DOCK11: variants seen among roughly 807,000 people sequenced by gnomAD.
DOCK11 encodes dedicator of cytokinesis protein 11.
DOCK11 carries 70 observed loss-of-function variants against 169.1 expected under a neutral mutation model. The observed-to-expected ratio is 0.41, with a 90% CI of 0.34 to 0.51. The LOEUF is 0.51. DOCK11 is among the 20% of genes least tolerant of loss of function. DOCK11 has a pLI of 0.10. For missense variants in DOCK11, 1,166 were observed against 1,538.8 expected, an observed-to-expected ratio of 0.76 and a Z score of 4.05; for synonymous variants, 529 against 541.3, an observed-to-expected ratio of 0.98 and a Z score of 0.32.
intron 23 of DOCK11, among the ~76,000 whole-genome samples, chrX:118,604,639 T>C (rs1236784663): frequency 9.3e-6 from 1 of 107,117 alleles, no homozygotes; most frequent in Non-Finnish European, 1.9e-5. Context: ...ATTATTTCTC[T>C]GTATATATGA....
At chrX:118,498,148 A>G (rs974939739) in intron 1 of DOCK11, among the ~76,000 whole-genome samples, 3 of 112,481 alleles carry the variant, frequency 2.7e-5, no homozygotes, top group African/African-American at 9.7e-5. Flanking sequence ...TAGTATGTGA[A>G]CCACATTGAG....
At chrX:118,663,657 T>C (rs762517002) in intron 45 of DOCK11, among the ~76,000 whole-genome samples, 23 of 102,845 alleles carry the variant, frequency 2.2e-4, no homozygotes, top group African/African-American at 7.8e-4. Context: ...AGTAGAATAT[T>C]AAATTGGCAT....
chrX:118,635,727 A>G (rs1005573359), intron 35 of DOCK11, among the ~76,000 whole-genome samples: 3 of 111,030 alleles, frequency 2.7e-5, no homozygotes, highest in African/African-American at 6.6e-5. Flanking sequence ...AGCTGGGATT[A>G]TAGGCGCTGG....
intron 31 of DOCK11, among the ~76,000 whole-genome samples, chrX:118,619,267 A>G (rs1431158910): frequency 1.9e-5 from 2 of 106,408 alleles, no homozygotes; most frequent in Non-Finnish European, 3.9e-5. Flanking sequence ...TGAGGCCAGG[A>G]GTTTGAGACC....
intron 1 of DOCK11, among the ~76,000 whole-genome samples, chrX:118,517,416 G>A (rs746220268): frequency 9.3e-6 from 1 of 106,960 alleles, no homozygotes; most frequent in South Asian, 4.3e-4. Flanking sequence ...ATAAAAGAGT[G>A]CCTATCTCGG....
intron 1 of DOCK11, among the ~76,000 whole-genome samples, chrX:118,518,430 C>T (rs1337059692): frequency 9.0e-6 from 1 of 111,438 alleles, no homozygotes; most frequent in Non-Finnish European, 1.9e-5. Context: ...TGATTTGTTA[C>T]GTTTGGTGGT....
intron 1 of DOCK11, among the ~76,000 whole-genome samples, chrX:118,525,018 G>T (rs191400674): frequency 9.0e-6 from 1 of 110,553 alleles, no homozygotes; most frequent in East Asian, 2.8e-4. Context: ...GGTGGCGTGT[G>T]CCTGTAATCT....
In DOCK11 at chrX:118,544,645, C is replaced by CTTTTTTTTTTTTTTTTTTTTTTTTTTTTT. The variant is rs1157804079; in HGVS notation, c.393-674_393-646dup. ...TGCAAGAGCCAGAATTACACTGTTG[C>CTTTTTTTTTTTTTTTTTTTTTTTTTTTTT]TTTTTTTTTTTTTTTTTTTTTTTTT... On this transcript the variant is annotated intron_variant, in intron 4 of 52. Transcript: ENST00000276202. Among the ~76,000 whole-genome samples the CTTTTTTTTTTTTTTTTTTTTTTTTTTTTT allele has an allele frequency of 2.6e-4, 6 of 23,363 alleles. 1 individual carries two copies. Among genetic ancestry groups the CTTTTTTTTTTTTTTTTTTTTTTTTTTTTT allele is most frequent in the Admixed American group, 7.1e-4 (1 of 1,410 alleles). 20.3% of individuals were successfully genotyped at this position (23,363 alleles called of 115,157 possible).
In DOCK11 at chrX:118,683,947, A is replaced by T. The variant is rs190301356; in HGVS notation, c.6102+730A>T. 3.0e-4 allele frequency among the ~76,000 whole-genome samples: 34 copies of T among 112,105 alleles called. 1 individual carries two copies. The highest frequency in any genetic ancestry group is 1.1e-3 in the African/African-American group (34 of 30,890). On this transcript the variant is annotated intron_variant, in intron 52 of 52. Transcript: ENST00000276202. ...AAACTCTTAGTTTCTATTGGCTTAT[A>T]TTTATGCAAGCCATCCTGTCATTAT... is the stretch of plus-strand genomic sequence containing the variant.
chrX:118,615,566 A>T (rs1259123594), intron 29 of DOCK11, 34 bp from the exon 30 acceptor site: 22 of 1,080,215 alleles, frequency 2.0e-5, no homozygotes, highest in Non-Finnish European at 2.3e-5. Flanking sequence ...ATGCCTACTA[A>T]ATATGAGCTA....
At chrX:118,653,427 T>C (rs1191358097) in intron 42 of DOCK11, among the ~76,000 whole-genome samples, 1 of 111,098 alleles carries the variant, frequency 9.0e-6, no homozygotes, top group Non-Finnish European at 1.9e-5. Flanking sequence ...ATTTATTTAC[T>C]TAGAGACGGA....
intron 30 of DOCK11, among the ~76,000 whole-genome samples, chrX:118,617,958 A>G (rs1337849091): frequency 8.9e-6 from 1 of 111,952 alleles, no homozygotes; most frequent in African/African-American, 3.2e-5. Flanking sequence ...TTATTTTCTG[A>G]TATAAAATAT....
chrX:118,531,120 GTTA>G (rs2011529157), intron 1 of DOCK11, among the ~76,000 whole-genome samples: 1 of 110,233 alleles, frequency 9.1e-6, no homozygotes, highest in Non-Finnish European at 1.9e-5. Context: ...AGATTTTGTT[GTTA>G]TTGTTGTTGT....
intron 34 of DOCK11, among the ~76,000 whole-genome samples, chrX:118,630,070 G>A (rs2015199492): frequency 1.8e-5 from 2 of 110,974 alleles, no homozygotes; most frequent in South Asian, 3.8e-4. Context: ...TTCACTCCAT[G>A]TAAAAGCTAT....
chrX:118,646,743 G>A (rs757868725), intron 40 of DOCK11, among the ~76,000 whole-genome samples: 23 of 111,560 alleles, frequency 2.1e-4, no homozygotes, highest in African/African-American at 7.2e-4. Flanking sequence ...GAAATTATTA[G>A]CGAGATTTCC....
chrX:118,593,483 C>A, intron 20 of DOCK11, 146 bp downstream of exon 20: 1 of 525,258 alleles, frequency 1.9e-6, no homozygotes, highest in Non-Finnish European at 2.7e-6. Flanking sequence ...CTGATAAAGA[C>A]GTACCAGAGA....
intron 30 of DOCK11, among the ~76,000 whole-genome samples, chrX:118,617,147 A>G (rs1443802881): frequency 8.9e-6 from 1 of 111,883 alleles, no homozygotes; most frequent in Non-Finnish European, 1.9e-5. Context: ...TGGCCTATCT[A>G]ATTAAATAGC....
At chrX:118,554,813 T>C (rs1024699213) in intron 6 of DOCK11, among the ~76,000 whole-genome samples, 8 of 111,608 alleles carry the variant, frequency 7.2e-5, no homozygotes, top group African/African-American at 2.6e-4. Context: ...ATTTGGTTCT[T>C]TGGTATCACC....
At chrX:118,577,154 A>T (rs2013472891) in intron 12 of DOCK11, among the ~76,000 whole-genome samples, 2 of 112,688 alleles carry the variant, frequency 1.8e-5, no homozygotes, top group South Asian at 7.3e-4. Flanking sequence ...TGAATGAGAT[A>T]AAGCATGAAA....
Sources: allele counts gnomAD v4.1 joint callset (sites outside exome capture counted in the v4.1 genomes callset), GRCh38; gene constraint gnomAD v4.1.1; transcripts MANE v1.5; gene names NCBI Gene and HGNC (gene_info 2026-07-23, HGNC 2026-07-21).